FNDC1: variants seen among roughly 807,000 people sequenced by gnomAD.
FNDC1 encodes fibronectin type III domain containing 1.
In FNDC1, 96 loss-of-function variants were observed where a neutral mutation model predicts 168.0. The ratio of observed to expected loss-of-function variants is 0.57; its 90% CI spans 0.48 to 0.68. The LOEUF (loss-of-function observed/expected upper bound fraction) is 0.68. Among genes scored for constraint, FNDC1 ranks in the 30% least tolerant of loss-of-function variants. The pLI is 0.00. For missense variants in FNDC1, 2,587 were observed against 2,482.1 expected, an observed-to-expected ratio of 1.04 and a Z score of -0.90; for synonymous variants, 1,099 against 1,025.9, an observed-to-expected ratio of 1.07 and a Z score of -1.36.
chr6:159,255,215 C>T (rs1362249289), intron 17 of FNDC1, among the ~76,000 whole-genome samples: 1 of 152,248 alleles, frequency 6.6e-6, no homozygotes, highest in East Asian at 1.9e-4. Flanking sequence ...TCAACTTCAG[C>T]TCATGCCACC....
At chr6:159,215,607 C>T (rs1398032680) in intron 5 of FNDC1, among the ~76,000 whole-genome samples, 2 of 152,176 alleles carry the variant, frequency 1.3e-5, no homozygotes, top group South Asian at 2.1e-4. Flanking sequence ...TAATGGAATA[C>T]ACACACATAT....
At chr6:159,220,306 A>G (rs1782795074) in intron 5 of FNDC1, among the ~76,000 whole-genome samples, 1 of 152,234 alleles carries the variant, frequency 6.6e-6, no homozygotes, top group African/African-American at 2.4e-5. Context: ...CCATCTGAAC[A>G]TGTGCAGTGC....
At chr6:159,221,390 C>T (rs999928640) in intron 5 of FNDC1, among the ~76,000 whole-genome samples, 5 of 152,182 alleles carry the variant, frequency 3.3e-5, no homozygotes, top group African/African-American at 1.2e-4. Flanking sequence ...TCCCTATTTT[C>T]TAACATAATA....
At chr6:159,184,559 A>G (rs1020904356) in intron 1 of FNDC1, among the ~76,000 whole-genome samples, 1 of 152,162 alleles carries the variant, frequency 6.6e-6, no homozygotes, top group Non-Finnish European at 1.5e-5. Flanking sequence ...TGTCTGTCTC[A>G]TTCACTGTGT....
At chr6:159,261,774 G>C (rs761098938) in intron 19 of FNDC1, among the ~76,000 whole-genome samples, 2 of 152,032 alleles carry the variant, frequency 1.3e-5, no homozygotes, top group Non-Finnish European at 2.9e-5. Flanking sequence ...TTGCATTTTG[G>C]GGTGCTGGTG....
At chr6:159,216,588 G>C (rs1000816240) in intron 5 of FNDC1, among the ~76,000 whole-genome samples, 2 of 152,132 alleles carry the variant, frequency 1.3e-5, no homozygotes, top group African/African-American at 4.8e-5. Flanking sequence ...CCTGCTCCCT[G>C]CTTCTCTCAT....
Position 159,233,637 on chromosome 6 carries a change from G to C in FNDC1, c.3125G>C (p.Arg1042Pro). 1.3e-6 allele frequency: 2 copies of C among 1,552,416 alleles called. No homozygotes were observed. The highest frequency in any genetic ancestry group is 1.7e-6 in the Non-Finnish European group (2 of 1,150,708). Reference sequence around the variant, plus strand: ...TCACTGACCCAGGCCGGGCGGCCCCGCCCCACGTCGCAGGGCCGCTCCCAC... The same window carrying C: ...TCACTGACCCAGGCCGGGCGGCCCCCCCCCACGTCGCAGGGCCGCTCCCAC... ...RLSLTQAGRPRPTSQGRSHSS... is the reference protein window; with the variant it reads ...RLSLTQAGRPPPTSQGRSHSS... Residue 1042 changes from arginine (R) to proline (P), a missense_variant, in exon 11 of 23, where the codon CGC becomes CCC. Transcript: ENST00000297267. This position sits in a 1 kb window ranked among gnomAD's most constrained non-coding sequence, Gnocchi z 4.6.
At chr6:159,229,621 C>T (rs145481768) in intron 9 of FNDC1, among the ~76,000 whole-genome samples, 194 bp from the exon 10 acceptor site, 1 of 152,182 alleles carries the variant, frequency 6.6e-6, no homozygotes, top group Non-Finnish European at 1.5e-5. Context: ...ATACATAGCC[C>T]TGTGTGGTTG....
At chr6:159,245,052 G>A (rs1036882001) in intron 14 of FNDC1, among the ~76,000 whole-genome samples, 3 of 152,190 alleles carry the variant, frequency 2.0e-5, no homozygotes, top group African/African-American at 7.2e-5. Flanking sequence ...GAGAGTGAGA[G>A]CGAGAACGAG....
chr6:159,171,955 G>A (rs956864992), intron 1 of FNDC1, among the ~76,000 whole-genome samples: 3 of 152,202 alleles, frequency 2.0e-5, no homozygotes, highest in African/African-American at 4.8e-5. Flanking sequence ...CACTGAGGGT[G>A]CAAAAGCTTG....
In FNDC1 at chr6:159,232,154, T is replaced by C; in HGVS notation, c.1642T>C (p.Ser548Pro). The change falls in exon 11 of 23, where the codon TCC (serine) becomes CCC (proline). Residue 548 changes from serine (S) to proline (P), a missense_variant. Ser to Pro is a moderately conservative substitution (Grantham distance 74). Coordinates refer to ENST00000297267, the MANE Select transcript of FNDC1 (RefSeq NM_032532.3). This position sits in a 1 kb window ranked among gnomAD's most constrained non-coding sequence, Gnocchi z 4.9. ...TEITGEEELG[S>P]REDSPMSPSD... Reference sequence around the variant, plus strand: ...AATCACTGGGGAGGAGGAGCTGGGTTCCCGGGAGGACTCGCCCATGTCACC... The same window carrying C: ...AATCACTGGGGAGGAGGAGCTGGGTCCCCGGGAGGACTCGCCCATGTCACC... 6.2e-7 allele frequency: 1 copy of C among 1,613,830 alleles called. No individual in the cohort carries two copies. The highest frequency in any genetic ancestry group is 8.5e-7 in the Non-Finnish European group (1 of 1,179,854).
chr6:159,241,181 T>A (rs143772903), intron 14 of FNDC1: 86 of 152,374 alleles, frequency 5.6e-4, no homozygotes, highest in African/African-American at 1.9e-3. Context: ...TGAATTTACC[T>A]TTGAATTTCT....
chr6:159,245,323 T>C (rs1431710392), intron 14 of FNDC1, among the ~76,000 whole-genome samples: 5 of 152,192 alleles, frequency 3.3e-5, no homozygotes, highest in Admixed American at 6.5e-5. Context: ...AAATTATATA[T>C]ACATAAAAGT....
intron 2 of FNDC1, among the ~76,000 whole-genome samples, 163 bp from the exon 3 acceptor site, chr6:159,199,819 GTTAGTGATTTTAAT>G (rs2114948519): frequency 6.6e-6 from 1 of 152,260 alleles, no homozygotes; most frequent in East Asian, 1.9e-4. Flanking sequence ...TGAGAAGAAT[GTTAGTGATTTTAAT>G]TTAAAAAAAG....
intron 14 of FNDC1, among the ~76,000 whole-genome samples, chr6:159,242,395 T>C (rs1235505522): frequency 1.3e-5 from 2 of 152,068 alleles, no homozygotes; most frequent in Non-Finnish European, 2.9e-5. Context: ...GGCTTAATAC[T>C]TAGGTGATGG....
chr6:159,221,541 A>G lies in FNDC1; in HGVS notation c.668-57A>G, dbSNP rs1782824955. The G allele has an allele frequency of 1.4e-5, 19 of 1,354,902 alleles. No homozygotes were observed. The South Asian group carries it at 1.9e-4, about 13-fold the overall frequency. The allele number at this position is 1,354,902 out of a possible 1,614,324, so 83.9% of individuals were successfully genotyped here. ...AGAACCCCCGCTCCAGCCCCAGGGG[A>G]TGTGTGTTCCTGAGAAATGGAAGTC... On this transcript the variant is annotated intron_variant, in intron 5 of 22. Transcript: ENST00000297267.
intron 16 of FNDC1, among the ~76,000 whole-genome samples, chr6:159,249,792 T>G (rs1164197177): frequency 6.6e-6 from 1 of 152,244 alleles, no homozygotes; most frequent in Non-Finnish European, 1.5e-5. Context: ...ATGAACCTCA[T>G]TAATGAGACA....
chr6:159,246,753 C>G (rs977264689), intron 14 of FNDC1, 148 bp from the exon 15 acceptor site: 8 of 606,740 alleles, frequency 1.3e-5, no homozygotes, highest in Non-Finnish European at 2.4e-5. Context: ...TGATTTTCCT[C>G]CTGAAAAAAT....
intron 17 of FNDC1, among the ~76,000 whole-genome samples, chr6:159,254,195 T>A (rs1418935587): frequency 1.3e-5 from 2 of 152,332 alleles, no homozygotes; most frequent in Non-Finnish European, 2.9e-5. Context: ...CTTTTCCTTC[T>A]TCTTAACTTG....
Sources: gnomAD v4.1 joint callset for allele counts (sites outside exome capture counted in the v4.1 genomes callset) on GRCh38, gnomAD v4.1.1 for gene constraint, Gnocchi (gnomAD v3.1) non-coding constraint, MANE v1.5 for transcripts, NCBI Gene and HGNC (gene_info 2026-07-23, HGNC 2026-07-21) for gene names.